The following PTPRN2 variants were observed in gnomAD, a reference collection of about 807,000 sequenced individuals.
The protein encoded by PTPRN2 is protein tyrosine phosphatase receptor type N2.
A neutral mutation model predicts 118.8 loss-of-function variants in PTPRN2; 74 were observed. The observed-to-expected ratio is 0.62, with a 90% CI of 0.52 to 0.76. The LOEUF (loss-of-function observed/expected upper bound fraction) is 0.76. Among genes scored for constraint, PTPRN2 ranks in the 30% least tolerant of loss-of-function variants. PTPRN2 has a pLI of 0.00. For missense variants in PTPRN2, 1,481 were observed against 1,394.4 expected, an observed-to-expected ratio of 1.06 and a Z score of -0.99; for synonymous variants, 641 against 608.0, an observed-to-expected ratio of 1.05 and a Z score of -0.80.
At chr7:158,248,388 G>T (rs1796395524) in intron 3 of PTPRN2, among the ~76,000 whole-genome samples, 1 of 152,182 alleles carries the variant, frequency 6.6e-6, no homozygotes, top group Non-Finnish European at 1.5e-5. Flanking sequence ...CCCTCCCAAG[G>T]GGCAGCCAGT....
intron 11 of PTPRN2, among the ~76,000 whole-genome samples, chr7:158,000,439 G>A (rs755602864): frequency 1.2e-4 from 19 of 152,084 alleles, no homozygotes; most frequent in South Asian, 4.2e-4. Flanking sequence ...TGGAGAGGCC[G>A]GGATGAAAGC....
intron 13 of PTPRN2, among the ~76,000 whole-genome samples, chr7:157,668,357 G>A (rs1227068333): frequency 1.3e-5 from 2 of 152,176 alleles, no homozygotes; most frequent in Admixed American, 6.5e-5. Context: ...AGAAGACCAG[G>A]ACAACAAAGG....
chr7:158,111,606 C>T (rs1247082172), intron 9 of PTPRN2, among the ~76,000 whole-genome samples: 1 of 152,322 alleles, frequency 6.6e-6, no homozygotes, highest in South Asian at 2.1e-4. Flanking sequence ...TATGTAAAAG[C>T]ATGTTGTACC....
chr7:158,062,514 C>T (rs1810422282), intron 11 of PTPRN2, among the ~76,000 whole-genome samples: 1 of 152,216 alleles, frequency 6.6e-6, no homozygotes, highest in Non-Finnish European at 1.5e-5. Context: ...CATGGGAGCC[C>T]CTCTCTGGGC....
At chr7:158,092,716 A>G (rs1307437592) in intron 10 of PTPRN2, among the ~76,000 whole-genome samples, 5 of 152,174 alleles carry the variant, frequency 3.3e-5, no homozygotes, top group Admixed American at 1.3e-4. Flanking sequence ...GAGACTTACT[A>G]TATCTGGCTG....
intron 14 of PTPRN2, among the ~76,000 whole-genome samples, chr7:157,647,013 C>G (rs1294949533): frequency 1.4e-4 from 17 of 123,812 alleles, no homozygotes; most frequent in Middle Eastern, 5.4e-3. Context: ...GACCCATTCA[C>G]TGTGCACTGA....
chr7:157,871,693 T>C (rs541492379), intron 12 of PTPRN2, among the ~76,000 whole-genome samples: 1 of 152,086 alleles, frequency 6.6e-6, no homozygotes, highest in South Asian at 2.1e-4. Flanking sequence ...TAGTAATGTC[T>C]TAGGGTTAAC....
At chr7:158,348,524 G>T (rs112656272) in intron 2 of PTPRN2, among the ~76,000 whole-genome samples, 1 of 151,002 alleles carries the variant, frequency 6.6e-6, no homozygotes. Context: ...CCACCCTGGG[G>T]TCCCCATTCA....
chr7:157,899,965 C>T (rs1399969126), intron 11 of PTPRN2, among the ~76,000 whole-genome samples: 1 of 152,132 alleles, frequency 6.6e-6, no homozygotes, highest in African/African-American at 2.4e-5. Context: ...CTCCCGCAAA[C>T]AGAGGAGACA....
At chr7:157,960,035 G>A (rs1429393295) in intron 11 of PTPRN2, among the ~76,000 whole-genome samples, 1 of 152,040 alleles carries the variant, frequency 6.6e-6, no homozygotes, top group Non-Finnish European at 1.5e-5. Flanking sequence ...CTACAACACG[G>A]GTAAACCTTG....
intron 17 of PTPRN2, among the ~76,000 whole-genome samples, chr7:157,580,982 GCACACCCCA>G (rs1800346551): frequency 1.9e-5 from 2 of 106,230 alleles, no homozygotes; most frequent in African/African-American, 7.7e-5. Flanking sequence ...CGCAGCCCCT[GCACACCCCA>G]GCACCTGCAC....
chr7:158,313,621 C>G (rs775714100), intron 3 of PTPRN2, among the ~76,000 whole-genome samples: 1 of 152,110 alleles, frequency 6.6e-6, no homozygotes, highest in Non-Finnish European at 1.5e-5. Flanking sequence ...CCCCCTATCC[C>G]CATGTGGGGC....
At chr7:157,917,611 A>G (rs752462984) in intron 11 of PTPRN2, among the ~76,000 whole-genome samples, 4 of 150,976 alleles carry the variant, frequency 2.6e-5, no homozygotes, top group Non-Finnish European at 4.4e-5. Flanking sequence ...TCTCACTTAC[A>G]TTAATTTAAT....
At position 158,017,293 on chromosome 7, in the gene PTPRN2, G is replaced by A. The variant is rs151290958; in HGVS notation, c.1723+64005C>T. The stretch of plus-strand genomic sequence containing the variant: ...CAGCTAGGAACATCAAAGAGGCCCC[G>A]CTGGAATCACTAGAGAGAGGCTTCC... On this transcript the variant is annotated intron_variant, in intron 11 of 22. Transcript: ENST00000389418. Among the ~76,000 whole-genome samples the A allele has an allele frequency of 5.9e-4, 90 of 152,244 alleles. 1 individual carries two copies. The East Asian group carries it at 0.012, about 20-fold the overall frequency.
In PTPRN2 at chr7:158,407,410, G is replaced by GGTCCTGC. The variant is rs1813639250; in HGVS notation, c.163+82324_163+82325insGCAGGAC. Among the ~76,000 whole-genome samples the GGTCCTGC allele has an allele frequency of 1.2e-4, 2 of 16,280 alleles. 1 individual carries two copies. The highest frequency in any genetic ancestry group is 6.4e-4 in the African/African-American group (2 of 3,148). 10.7% of individuals were successfully genotyped at this position (16,280 alleles called of 152,430 possible). ...CCTGCGTCCTGGGTCCTGCGTCCTG[G>GGTCCTGC]GTCCTGGGTCCTGGGTCCTGGGTCC... On this transcript the variant is annotated intron_variant, in intron 2 of 22. Coordinates refer to ENST00000389418, the MANE Select transcript of PTPRN2 (RefSeq NM_002847.5).
chr7:158,165,727 C>A (rs1822904935), intron 6 of PTPRN2, among the ~76,000 whole-genome samples: 1 of 152,324 alleles, frequency 6.6e-6, no homozygotes, highest in South Asian at 2.1e-4. Context: ...TTTATCAGAA[C>A]CCACTGCAGG....
At chr7:158,048,364 C>A (rs868279025) in intron 11 of PTPRN2, among the ~76,000 whole-genome samples, 2 of 152,100 alleles carry the variant, frequency 1.3e-5, no homozygotes, top group African/African-American at 4.8e-5. Context: ...TCCTCTTGGT[C>A]CTCATGTTAC....
In PTPRN2 at chr7:157,674,366, A is replaced by C. The variant is rs1478338157; in HGVS notation, c.2001+8359T>G. On this transcript the variant is annotated intron_variant, in intron 13 of 22. Transcript: ENST00000389418. The surrounding 1 kb of genome is among the most constrained non-coding windows in gnomAD (Gnocchi z 4.5). The stretch of plus-strand genomic sequence containing the variant: ...CAGCCTTCCTTATCCACGTCCTCGA[A>C]GTGATCCCCGTTTGACATTTGGAAA... 2.0e-5 allele frequency among the ~76,000 whole-genome samples: 3 copies of C among 152,102 alleles called. No individual in the cohort carries two copies. The highest frequency in any genetic ancestry group is 7.2e-5 in the African/African-American group (3 of 41,408).
intron 3 of PTPRN2, among the ~76,000 whole-genome samples, chr7:158,271,921 G>A (rs112813725): frequency 5.9e-4 from 81 of 136,994 alleles, no homozygotes; most frequent in African/African-American, 1.8e-3. Flanking sequence ...AACTGGAGGC[G>A]TGGGGTAGGC....
Sources: gnomAD v4.1 joint callset for allele counts (sites outside exome capture counted in the v4.1 genomes callset) on GRCh38, gnomAD v4.1.1 for gene constraint, Gnocchi (gnomAD v3.1) non-coding constraint, MANE v1.5 for transcripts, NCBI Gene and HGNC (gene_info 2026-07-23, HGNC 2026-07-21) for gene names.